Variants in UBE2E2 observed in about 807,000 individuals in gnomAD.
The protein encoded by UBE2E2 is ubiquitin-conjugating enzyme E2 E2.
Under a neutral mutation model 24.7 loss-of-function variants are expected in UBE2E2, and 6 were observed. The ratio of observed to expected loss-of-function variants is 0.24; its 90% CI spans 0.13 to 0.48. UBE2E2 has a LOEUF of 0.48. UBE2E2 is among the 20% of genes least tolerant of loss of function. UBE2E2 has a pLI of 0.99. For missense variants in UBE2E2, 169 were observed against 245.0 expected, an observed-to-expected ratio of 0.69 and a Z score of 2.07; for synonymous variants, 104 against 83.6, an observed-to-expected ratio of 1.24 and a Z score of -1.33.
At chr3:23,269,599 A>G (rs1264387771) in intron 3 of UBE2E2, among the ~76,000 whole-genome samples, 1 of 152,172 alleles carries the variant, frequency 6.6e-6, no homozygotes, top group Admixed American at 6.5e-5. Flanking sequence ...AAAAATTTGT[A>G]ACTGTCATGC....
chr3:23,253,124 CAG>C (rs964220928), intron 3 of UBE2E2, among the ~76,000 whole-genome samples: 36 of 152,052 alleles, frequency 2.4e-4, no homozygotes, highest in African/African-American at 8.5e-4. Context: ...TAGGAGAAAA[CAG>C]ATTTGGAGGC....
rs149696614 is a variant in UBE2E2, at chr3:23,572,201, C to T, written c.509-17533C>T. Among the ~76,000 whole-genome samples the T allele has an allele frequency of 8.5e-3, 1,292 of 152,218 alleles. 17 individuals are homozygous for T. Among genetic ancestry groups the T allele is most frequent in the African/African-American group, 0.028 (1,182 of 41,516 alleles). ...TTTTTCTCCCTTAATCACTACAAGT[C>T]ACACACTGTTATGTCTTTTGAGGAT... On this transcript the variant is annotated intron_variant, in intron 5 of 5. Coordinates refer to ENST00000396703, the MANE Select transcript of UBE2E2 (RefSeq NM_152653.4).
At chr3:23,514,117 G>A (rs1470904997) in intron 4 of UBE2E2, among the ~76,000 whole-genome samples, 1 of 152,112 alleles carries the variant, frequency 6.6e-6, no homozygotes, top group African/African-American at 2.4e-5. Context: ...CCTCCTTTTT[G>A]ACCTTATGAT....
chr3:23,421,307 T>C (rs934163927), intron 3 of UBE2E2, among the ~76,000 whole-genome samples: 9 of 152,266 alleles, frequency 5.9e-5, no homozygotes, highest in Admixed American at 2.6e-4. Context: ...GCAAGTCTTA[T>C]TCTTGCAGCA....
intron 3 of UBE2E2, among the ~76,000 whole-genome samples, chr3:23,352,905 A>T (rs1695800647): frequency 6.6e-6 from 1 of 152,234 alleles, no homozygotes; most frequent in Non-Finnish European, 1.5e-5. Context: ...TCATCCTGAT[A>T]CCAAAGCCGG....
intron 3 of UBE2E2, among the ~76,000 whole-genome samples, chr3:23,284,336 T>C (rs1698558998): frequency 6.6e-6 from 1 of 152,128 alleles, no homozygotes; most frequent in African/African-American, 2.4e-5. Flanking sequence ...AAGACTCTTT[T>C]TGGCCTTATT....
At chr3:23,305,406 A>G (rs933596608) in intron 3 of UBE2E2, among the ~76,000 whole-genome samples, 2 of 152,198 alleles carry the variant, frequency 1.3e-5, no homozygotes, top group African/African-American at 2.4e-5. Flanking sequence ...ATCAAGAACA[A>G]GTGAAGCTGA....
intron 3 of UBE2E2, among the ~76,000 whole-genome samples, chr3:23,404,801 G>A (rs1697317623): frequency 6.6e-6 from 1 of 152,102 alleles, no homozygotes; most frequent in Non-Finnish European, 1.5e-5. Context: ...TACTCCTATG[G>A]CAACAGGCAG....
chr3:23,322,159 A>G (rs1050639765), intron 3 of UBE2E2, among the ~76,000 whole-genome samples: 6 of 152,360 alleles, frequency 3.9e-5, no homozygotes, highest in East Asian at 1.9e-4. Flanking sequence ...AGTAAGTTAT[A>G]TAACCAAAGT....
intron 3 of UBE2E2, among the ~76,000 whole-genome samples, chr3:23,487,203 C>T (rs2125446535): frequency 6.6e-6 from 1 of 152,346 alleles, no homozygotes; most frequent in Admixed American, 6.5e-5. Flanking sequence ...CAGCAGTGCC[C>T]AGGCTCAGCT....
chr3:23,337,910 C>T (rs779983889), intron 3 of UBE2E2, among the ~76,000 whole-genome samples: 2 of 152,090 alleles, frequency 1.3e-5, no homozygotes, highest in Non-Finnish European at 2.9e-5. Flanking sequence ...GGCTAAGCCC[C>T]TGGAGATTGG....
intron 3 of UBE2E2, among the ~76,000 whole-genome samples, chr3:23,405,617 A>C (rs1697337363): frequency 1.3e-5 from 2 of 152,136 alleles, no homozygotes; most frequent in South Asian, 4.1e-4. Flanking sequence ...AGGAGTATAG[A>C]GGTGTCCAGG....
intron 3 of UBE2E2, among the ~76,000 whole-genome samples, chr3:23,297,381 G>C (rs1012396934): frequency 6.6e-6 from 1 of 151,650 alleles, no homozygotes; most frequent in Non-Finnish European, 1.5e-5. Flanking sequence ...TGAAGTCCTT[G>C]CCCATGCCTA....
intron 3 of UBE2E2, among the ~76,000 whole-genome samples, chr3:23,457,851 C>G (rs369547608): frequency 2.0e-5 from 3 of 152,208 alleles, no homozygotes; most frequent in Admixed American, 6.5e-5. Context: ...TCTTAGCCTT[C>G]GCAGAATTGA....
intron 5 of UBE2E2, among the ~76,000 whole-genome samples, chr3:23,555,820 A>G (rs1184447149): frequency 6.6e-6 from 1 of 152,188 alleles, no homozygotes; most frequent in Admixed American, 6.5e-5. Context: ...TTTTCTTTTT[A>G]AAGGTCAACT....
intron 3 of UBE2E2, among the ~76,000 whole-genome samples, chr3:23,336,378 C>T (rs1695210711): frequency 6.6e-6 from 1 of 152,138 alleles, no homozygotes. Context: ...GTAATCTTTC[C>T]CATATTTCCT....
At chr3:23,327,023 A>G (rs1694909502) in intron 3 of UBE2E2, among the ~76,000 whole-genome samples, 1 of 152,290 alleles carries the variant, frequency 6.6e-6, no homozygotes. Flanking sequence ...TTATGGCTGC[A>G]TGGTATTCCG....
At chr3:23,457,217 G>C (rs1698698486) in intron 3 of UBE2E2, among the ~76,000 whole-genome samples, 1 of 152,086 alleles carries the variant, frequency 6.6e-6, no homozygotes, top group African/African-American at 2.4e-5. Flanking sequence ...CTCTGGGCAG[G>C]GATTTTAGTA....
intron 3 of UBE2E2, among the ~76,000 whole-genome samples, chr3:23,385,247 T>C (rs1026786131): frequency 2.0e-5 from 3 of 152,254 alleles, no homozygotes; most frequent in African/African-American, 7.2e-5. Flanking sequence ...TTTAGGATCA[T>C]GTTCTTTTCA....
Sources: gnomAD v4.1 joint callset for allele counts (sites outside exome capture counted in the v4.1 genomes callset) on GRCh38, gnomAD v4.1.1 for gene constraint, MANE v1.5 for transcripts, NCBI Gene and HGNC (gene_info 2026-07-23, HGNC 2026-07-21) for gene names.